Variants in NINL observed in about 807,000 individuals in gnomAD.
NINL encodes the protein ninein like.
In NINL, 153 loss-of-function variants were observed where a neutral mutation model predicts 160.3. The ratio of observed to expected loss-of-function variants is 0.95; its 90% CI spans 0.84 to 1.09. The LOEUF is 1.09. NINL is among the 50% of genes least tolerant of loss of function. The pLI, the probability that NINL is intolerant of heterozygous loss-of-function variation, is 0.00. For synonymous variants in NINL, 800 were observed against 734.8 expected (o/e 1.09, Z -1.43); for missense variants, 1,829 against 1,764.0 (o/e 1.04, Z -0.66).
intron 1 of NINL, among the ~76,000 whole-genome samples, chr20:25,568,815 G>A (rs2065022064): frequency 6.6e-6 from 1 of 152,188 alleles, no homozygotes; most frequent in South Asian, 2.1e-4. Flanking sequence ...AATTGAGTGT[G>A]GTGGCTCATC....
chr20:25,471,637 G>A (rs1454487440), intron 17 of NINL, among the ~76,000 whole-genome samples: 4 of 152,168 alleles, frequency 2.6e-5, no homozygotes, highest in Non-Finnish European at 5.9e-5. Flanking sequence ...TGAAACCAAC[G>A]CGTGAGCACT....
chr20:25,489,928 C>T lies in NINL; in HGVS notation c.1543G>A (p.Glu515Lys), dbSNP rs147223196. 77 of 1,614,176 alleles carry T rather than the reference C, an allele frequency of 4.8e-5. No homozygotes were observed. The African/African-American group carries it at 9.7e-4, about 20-fold the overall frequency. The change falls in exon 12 of 24, where the codon GAG (glutamate) becomes AAG (lysine). Residue 515 changes from glutamate to lysine, a missense_variant. By Grantham distance (56) the Glu-to-Lys change is moderately conservative. Coordinates refer to ENST00000278886, the MANE Select transcript of NINL (RefSeq NM_025176.6). The part of the protein sequence containing the change: ...VEVVEKLSDS[E>K]RLALKLQKDL... ...TTCTGCAGCTTCAGGGCCAGCCTCTCCGAATCCGAAAGCTTTTCCACCACT... is the reference window on the plus strand; with the variant it reads ...TTCTGCAGCTTCAGGGCCAGCCTCTTCGAATCCGAAAGCTTTTCCACCACT...
chr20:25,538,189 A>C (rs1205191336), intron 1 of NINL, among the ~76,000 whole-genome samples: 1 of 152,146 alleles, frequency 6.6e-6, no homozygotes, highest in South Asian at 2.1e-4. Context: ...CACCTCAGGC[A>C]CTGTCCTGAG....
At chr20:25,562,192 G>A (rs1179223623) in intron 1 of NINL, among the ~76,000 whole-genome samples, 7 of 139,034 alleles carry the variant, frequency 5.0e-5, no homozygotes, top group South Asian at 2.4e-4. Flanking sequence ...CCCCCTGCCC[G>A]GCCAGCCGCC....
chr20:25,500,792 G>A (rs749735020), intron 8 of NINL, 48 bp downstream of exon 8: 18 of 1,583,572 alleles, frequency 1.1e-5, no homozygotes, highest in East Asian at 2.2e-5. Context: ...TGCAGCAGAC[G>A]GGCCCCCCAG....
chr20:25,489,104 T>A (rs1269811204), intron 13 of NINL, 140 bp downstream of exon 13: 8 of 803,482 alleles, frequency 1.0e-5, no homozygotes, highest in Non-Finnish European at 1.7e-5. Context: ...AGTCTAGGAG[T>A]GTGGCAAGGC....
rs150894623 is a variant in NINL at position 25,486,294 on chromosome 20, A to G, written c.1677+2950T>C. Among the ~76,000 whole-genome samples, 4 of 152,398 alleles carry G rather than the reference A, an allele frequency of 2.6e-5. No homozygotes were observed. The East Asian group carries it at 7.7e-4, about 29-fold the overall frequency. On this transcript the variant is annotated intron_variant, in intron 13 of 23. Transcript: ENST00000278886. ...GAAATATCTGAATAAATAGGTTAGCATTTAAATATAAAATATCTCTGCTGT... is the reference window on the plus strand; with the variant it reads ...GAAATATCTGAATAAATAGGTTAGCGTTTAAATATAAAATATCTCTGCTGT...
intron 16 of NINL, among the ~76,000 whole-genome samples, chr20:25,477,926 CTTT>C (rs34667640): frequency 6.3e-5 from 9 of 143,160 alleles, no homozygotes; most frequent in African/African-American, 2.1e-4. Flanking sequence ...GGACAGACGA[CTTT>C]TTTTTTTTTT....
At chr20:25,475,980 A>G in intron 17 of NINL, 63 bp downstream of exon 17, 2 of 1,510,748 alleles carry the variant, frequency 1.3e-6, no homozygotes, top group South Asian at 1.3e-5. Context: ...AACAGGGGTC[A>G]GTGGGTTAGT....
At chr20:25,553,028 G>A (rs2064823369) in intron 1 of NINL, among the ~76,000 whole-genome samples, 2 of 151,858 alleles carry the variant, frequency 1.3e-5, no homozygotes, top group Admixed American at 6.5e-5. Flanking sequence ...AAGGGCACTG[G>A]TGCAGCGGCC....
intron 1 of NINL, among the ~76,000 whole-genome samples, chr20:25,567,129 C>G (rs6076361): frequency 0.97 from 147,882 of 152,268 alleles, 71,950 homozygotes; most frequent in Non-Finnish European, 1. Flanking sequence ...TCTTTTAAAA[C>G]AATACCTTTG....
intron 1 of NINL, chr20:25,540,040 T>C (rs1203497619): frequency 4.2e-5 from 54 of 1,288,506 alleles, no homozygotes; most frequent in Non-Finnish European, 4.8e-5. Flanking sequence ...TTCAGAGGCC[T>C]CTTCAGTTTC....
At chr20:25,529,688 G>T (rs1304868070) in intron 1 of NINL, among the ~76,000 whole-genome samples, 11 of 152,014 alleles carry the variant, frequency 7.2e-5, no homozygotes. Context: ...AAAACAGAAA[G>T]AACTAGCTGG....
intron 1 of NINL, among the ~76,000 whole-genome samples, chr20:25,535,672 A>G (rs867736508): frequency 6.6e-6 from 1 of 152,164 alleles, no homozygotes; most frequent in African/African-American, 2.4e-5. Flanking sequence ...TTTTACCACC[A>G]TTAAATTTAA....
At chr20:25,514,767 G>A (rs1314859703) in intron 3 of NINL, among the ~76,000 whole-genome samples, 1 of 152,226 alleles carries the variant, frequency 6.6e-6, no homozygotes, top group East Asian at 1.9e-4. Context: ...TCCAGCCATG[G>A]CTAAAAGGGG....
chr20:25,475,492 T>C lies in NINL; in HGVS notation c.3248+551A>G, dbSNP rs77101493. 6.0e-4 allele frequency among the ~76,000 whole-genome samples: 91 copies of C among 152,270 alleles called. No homozygotes were observed. The East Asian group carries it at 0.017, about 28-fold the overall frequency. On this transcript the variant is annotated intron_variant, in intron 17 of 23. Coordinates refer to ENST00000278886, the MANE Select transcript of NINL (RefSeq NM_025176.6). ...AGACCAATCCCTTATGATGCAAAAA[T>C]TGATGCTAAAATCCTCAACAAAATA... is the stretch of plus-strand genomic sequence containing the variant.
rs931820905 is a variant in NINL, at chr20:25,529,478, T to C, written c.-11-2880A>G. Among the ~76,000 whole-genome samples, 3 of 151,070 alleles carry C rather than the reference T, an allele frequency of 2.0e-5. 1 individual carries two copies. The Middle Eastern group carries it at 0.01, about 514-fold the overall frequency. On this transcript the variant is annotated intron_variant, in intron 1 of 23. Coordinates refer to ENST00000278886, the MANE Select transcript of NINL (RefSeq NM_025176.6). ...CAGCATCTGCAAGGGCCTGCCCTAT[T>C]TGCTAATCAAATTACTCAACCCTTC...
intron 1 of NINL, among the ~76,000 whole-genome samples, chr20:25,528,745 C>T (rs150240847): frequency 2.2e-4 from 34 of 152,242 alleles, no homozygotes; most frequent in Non-Finnish European, 2.9e-4. Flanking sequence ...CCCACAAAAA[C>T]GGCAATTTCA....
At chr20:25,539,437 T>C (rs2064622249) in intron 1 of NINL, among the ~76,000 whole-genome samples, 1 of 152,232 alleles carries the variant, frequency 6.6e-6, no homozygotes, top group African/African-American at 2.4e-5. Context: ...CTGCCACTTG[T>C]GGCCTCGCGG....
Sources: allele counts gnomAD v4.1 joint callset (sites outside exome capture counted in the v4.1 genomes callset), GRCh38; gene constraint gnomAD v4.1.1; transcripts MANE v1.5; gene names NCBI Gene and HGNC (gene_info 2026-07-23, HGNC 2026-07-21).